DCTN6: variants seen among roughly 807,000 people sequenced by gnomAD.
DCTN6 encodes the protein dynactin subunit 6, also known as dynactin 6.
A neutral mutation model predicts 25.8 loss-of-function variants in DCTN6; 15 were observed. The ratio of observed to expected loss-of-function variants is 0.58; its 90% CI spans 0.39 to 0.89. The LOEUF is 0.89. Among genes scored for constraint, DCTN6 ranks in the 40% least tolerant of loss-of-function variants. The pLI, the probability that DCTN6 is intolerant of heterozygous loss-of-function variation, is 0.00. For missense variants in DCTN6, 198 were observed against 237.6 expected (o/e 0.83, Z 1.09); for synonymous variants, 64 against 78.3 (o/e 0.82, Z 0.96).
At chr8:30,156,502 T>A in intron 1 of DCTN6, 96 bp downstream of exon 1, 1 of 1,432,924 alleles carries the variant, frequency 7.0e-7, no homozygotes, top group East Asian at 2.5e-5. Flanking sequence ...AGGTGTCTCA[T>A]CCTGGGCATT....
intron 1 of DCTN6, among the ~76,000 whole-genome samples, chr8:30,161,113 C>G (rs1000938963): frequency 2.0e-5 from 3 of 152,026 alleles, no homozygotes; most frequent in African/African-American, 4.8e-5. Flanking sequence ...AGTGGTTCCC[C>G]CATGCTGTTC....
At chr8:30,163,717 C>T (rs867608296) in intron 1 of DCTN6, among the ~76,000 whole-genome samples, 1,367 of 120,248 alleles carry the variant, frequency 0.011, 14 homozygotes, top group Middle Eastern at 0.079. Context: ...TTTTTTTTTT[C>T]CTGAGACAGA....
intron 1 of DCTN6, among the ~76,000 whole-genome samples, chr8:30,158,821 G>A (rs1283454084): frequency 3.6e-5 from 4 of 111,666 alleles, no homozygotes; most frequent in Non-Finnish European, 6.7e-5. Flanking sequence ...TCACTCTGTT[G>A]CCTAGGCTGG....
Position 30,177,203 on chromosome 8 carries a change from A to G in DCTN6, c.272A>G (p.Glu91Gly). Reference sequence around the variant, plus strand: ...ATCATTGGCACCAATAATGTGTTTGAAGTTGGCTGTTGTATCCTTTACAAT... The same window carrying G: ...ATCATTGGCACCAATAATGTGTTTGGAGTTGGCTGTTGTATCCTTTACAAT... The part of the protein sequence containing the change: ...PMIIGTNNVF[E>G]VGCYSQAMKM... The change falls in exon 4 of 7, where the codon GAA becomes GGA. Residue 91 changes from glutamate (E) to glycine (G), a missense_variant. Glu to Gly is a moderately conservative substitution (Grantham distance 98). Transcript: ENST00000221114. 1 of 1,613,538 alleles carries G rather than the reference A, an allele frequency of 6.2e-7. No individual in the cohort carries two copies.
chr8:30,160,638 TTG>T (rs748515555), intron 1 of DCTN6, among the ~76,000 whole-genome samples: 4 of 152,128 alleles, frequency 2.6e-5, no homozygotes, highest in East Asian at 1.9e-4. Flanking sequence ...GAAAAAAAAA[TTG>T]TGTCTGTAAA....
Position 30,180,520 on chromosome 8 carries a change from G to A in DCTN6, c.364G>A (p.Gly122Ser). 6.2e-7 allele frequency: 1 copy of A among 1,613,732 alleles called. No individual in the cohort carries two copies. The highest frequency in any genetic ancestry group is 8.5e-7 in the Non-Finnish European group (1 of 1,179,872). Residue 122 changes from glycine to serine, a missense_variant, in exon 6 of 7, where the codon GGC becomes AGC. Physicochemically the swap from Gly to Ser is moderately conservative, Grantham distance 56. Coordinates refer to ENST00000221114, the MANE Select transcript of DCTN6 (RefSeq NM_006571.4). ...YVGRNVILTS[G>S]CIIGACCNLN... ...AGGCAGAAATGTAATATTGACAAGT[G>A]GCTGCATCATTGGGGCTTGTTGCAA...
chr8:30,172,743 G>A (rs1391664645), intron 2 of DCTN6, among the ~76,000 whole-genome samples: 2 of 151,948 alleles, frequency 1.3e-5, no homozygotes, highest in Non-Finnish European at 2.9e-5. Context: ...ATGAGCCACC[G>A]CCCCCAGCAA....
At chr8:30,166,734 C>T (rs1585500823) in intron 2 of DCTN6, among the ~76,000 whole-genome samples, 4 of 152,186 alleles carry the variant, frequency 2.6e-5, no homozygotes, top group Admixed American at 2.6e-4. Flanking sequence ...CTGGTTTTCA[C>T]TACATTGTGG....
chr8:30,158,668 GGCTACATATTTTCTGTTA>G, intron 1 of DCTN6, among the ~76,000 whole-genome samples: 1 of 148,858 alleles, frequency 6.7e-6, no homozygotes, highest in Non-Finnish European at 1.5e-5. Flanking sequence ...ACAGCAGGAG[GGCTACATATTTTCTGTTA>G]TTTCAGTAGA....
At chr8:30,182,914 A>G (rs180801074) in intron 6 of DCTN6, among the ~76,000 whole-genome samples, 161 bp from the exon 7 acceptor site, 2 of 152,156 alleles carry the variant, frequency 1.3e-5, no homozygotes, top group East Asian at 1.9e-4. Flanking sequence ...AGATCTCCCT[A>G]TGTTGCTCAG....
intron 1 of DCTN6, among the ~76,000 whole-genome samples, chr8:30,160,138 T>C (rs562617690): frequency 6.6e-6 from 1 of 152,170 alleles, no homozygotes; most frequent in Non-Finnish European, 1.5e-5. Context: ...CACCCATCCT[T>C]CTGTAGTTGA....
intron 2 of DCTN6, among the ~76,000 whole-genome samples, chr8:30,166,719 T>C (rs1481545718): frequency 6.6e-6 from 1 of 152,132 alleles, no homozygotes; most frequent in Non-Finnish European, 1.5e-5. Context: ...TTCCTGTTTC[T>C]CTCTCTGGTT....
At chr8:30,182,022 C>G (rs977957464) in intron 6 of DCTN6, among the ~76,000 whole-genome samples, 1 of 151,964 alleles carries the variant, frequency 6.6e-6, no homozygotes, top group African/African-American at 2.4e-5. Flanking sequence ...GCAAGTATTA[C>G]TCTATAGACT....
chr8:30,170,033 C>T (rs1315800448), intron 2 of DCTN6, among the ~76,000 whole-genome samples: 6 of 151,966 alleles, frequency 3.9e-5, no homozygotes, highest in Admixed American at 1.3e-4. Flanking sequence ...ATTAGCTGGG[C>T]GTGGTGGTGG....
In DCTN6 at chr8:30,156,713, C is replaced by T. The variant is rs1427307292; in HGVS notation, c.23+307C>T. ...GGGGGGGGCTGTGAGGGGAGGGTGA[C>T]GTCAGCTTTTTCCTGGGGAAGGCCG... On this transcript the variant is annotated intron_variant, in intron 1 of 6. Transcript: ENST00000221114. Among the ~76,000 whole-genome samples, 3 of 152,090 alleles carry T rather than the reference C, an allele frequency of 2.0e-5. 1 individual carries two copies. Among genetic ancestry groups the T allele is most frequent in the African/African-American group, 7.2e-5 (3 of 41,406 alleles).
chr8:30,170,086 T>C (rs1202673577), intron 2 of DCTN6, among the ~76,000 whole-genome samples: 1 of 151,874 alleles, frequency 6.6e-6, no homozygotes, highest in Non-Finnish European at 1.5e-5. Context: ...GGCAGGAGAA[T>C]TGCTTGAACC....
chr8:30,164,594 A>T (rs1410587952), intron 2 of DCTN6, among the ~76,000 whole-genome samples: 1 of 152,206 alleles, frequency 6.6e-6, no homozygotes, highest in African/African-American at 2.4e-5. Flanking sequence ...TACTTTGAAC[A>T]TATTACTTAA....
intron 1 of DCTN6, among the ~76,000 whole-genome samples, chr8:30,156,719 CT>C (rs1430317423): frequency 6.6e-6 from 1 of 152,142 alleles, no homozygotes; most frequent in Non-Finnish European, 1.5e-5. Flanking sequence ...GTGACGTCAG[CT>C]TTTTCCTGGG....
chr8:30,162,920 A>G (rs1162063736), intron 1 of DCTN6, among the ~76,000 whole-genome samples: 3 of 152,166 alleles, frequency 2.0e-5, no homozygotes, highest in African/African-American at 7.2e-5. Context: ...AAATAATGGC[A>G]TATTACATAC....
Sources: gnomAD v4.1 joint callset for allele counts (sites outside exome capture counted in the v4.1 genomes callset) on GRCh38, gnomAD v4.1.1 for gene constraint, MANE v1.5 for transcripts, NCBI Gene and HGNC (gene_info 2026-07-23, HGNC 2026-07-21) for gene names.